Variants in SLC14A2 observed in about 807,000 individuals in gnomAD.
The protein encoded by SLC14A2 is solute carrier family 14 member 2, also known as urea transporter 2.
Under a neutral mutation model 104.6 loss-of-function variants are expected in SLC14A2, and 91 were observed. The observed-to-expected ratio is 0.87, with a 90% CI of 0.73 to 1.04. SLC14A2 has a LOEUF of 1.04. Ranked by LOEUF, SLC14A2 falls within the 50% of genes least tolerant of loss-of-function variation. The probability of loss-of-function intolerance (pLI) is 0.00; values close to 1 mark genes in which losing one functional copy is unlikely to be tolerated. For missense variants in SLC14A2, 1,189 were observed against 1,156.0 expected (o/e 1.03, Z -0.41); for synonymous variants, 476 against 466.4 (o/e 1.02, Z -0.27).
At chr18:45,578,699 A>C (rs1316433252) in intron 2 of SLC14A2, among the ~76,000 whole-genome samples, 1 of 152,232 alleles carries the variant, frequency 6.6e-6, no homozygotes, top group Non-Finnish European at 1.5e-5. Context: ...GCATTGAATT[A>C]GGAACTGAAG....
intron 2 of SLC14A2, among the ~76,000 whole-genome samples, chr18:45,517,287 G>T (rs2043454577): frequency 6.6e-6 from 1 of 152,154 alleles, no homozygotes; most frequent in Non-Finnish European, 1.5e-5. Context: ...ATGAGACGCG[G>T]CCCTGGCTGA....
At chr18:45,628,000 CAAAAAAAAAAAA>C (rs58009345) in intron 4 of SLC14A2, among the ~76,000 whole-genome samples, 5 of 83,598 alleles carry the variant, frequency 6.0e-5, no homozygotes, top group African/African-American at 1.3e-4. Context: ...AAGACTTTCT[CAAAAAAAAAAAA>C]AAAAAAAAGA....
intron 2 of SLC14A2, among the ~76,000 whole-genome samples, chr18:45,492,835 TC>T (rs2043025767): frequency 6.6e-6 from 1 of 152,220 alleles, no homozygotes; most frequent in Non-Finnish European, 1.5e-5. Flanking sequence ...GGTGCTGCTT[TC>T]CTCAATAGAG....
chr18:45,482,713 C>T (rs982580509), intron 1 of SLC14A2: 1 of 152,152 alleles, frequency 6.6e-6, no homozygotes, highest in Non-Finnish European at 1.5e-5. Context: ...GTAACCTAAT[C>T]TTGGAAATGA....
the SLC14A2 span, among the ~76,000 whole-genome samples, chr18:45,205,591 G>C: frequency 2.6e-5 from 4 of 152,302 alleles, no homozygotes; most frequent in South Asian, 8.3e-4. Context: ...AGATCGGGTA[G>C]ATGCAATTCA....
chr18:45,632,424 AGTT>A lies in SLC14A2; in HGVS notation c.597_599del (p.Leu200del), dbSNP rs1453380821. 8 of 1,614,082 alleles carry A rather than the reference AGTT, an allele frequency of 5.0e-6. No individual in the cohort carries two copies. The South Asian group carries it at 8.8e-5, about 18-fold the overall frequency. On this transcript the variant is annotated inframe_deletion, in exon 5 of 20. Transcript: ENST00000255226. ...CTGCTGATGGCCGTGTTCTCGGAGA[AGTT>A]AGACTACTACTGGTGGCTTCTGTTT... is the stretch of plus-strand genomic sequence containing the variant.
intron 1 of SLC14A2, among the ~76,000 whole-genome samples, chr18:45,350,577 T>A (rs369869260): frequency 6.6e-6 from 1 of 152,180 alleles, no homozygotes; most frequent in Non-Finnish European, 1.5e-5. Flanking sequence ...GACTAGTTTA[T>A]GTGACGGGTC....
At position 45,436,103 on chromosome 18, in the gene SLC14A2, G is replaced by A. The variant is rs547591022; in HGVS notation, c.-124-47130G>A. On this transcript the variant is annotated intron_variant, in intron 1 of 20. Transcript: ENST00000586448. ...CTGAACGTAACACACTTCGAGTTTT[G>A]TGTTACATTTGGGGGTACCACCTTT... Among the ~76,000 whole-genome samples the A allele has an allele frequency of 2.5e-3, 381 of 152,226 alleles. 2 individuals carry two copies. The highest frequency in any genetic ancestry group is 8.9e-3 in the African/African-American group (371 of 41,530).
At chr18:45,575,779 T>C (rs2044409628) in intron 2 of SLC14A2, among the ~76,000 whole-genome samples, 1 of 150,772 alleles carries the variant, frequency 6.6e-6, no homozygotes, top group East Asian at 1.9e-4. Flanking sequence ...AAAGCCTAGT[T>C]TGTCTTGTTC....
rs572499166 is a variant in SLC14A2 at position 45,278,591 on chromosome 18, A to T, written c.-125+65400A>T. On this transcript the variant is annotated intron_variant, in intron 1 of 20. Coordinates refer to the SLC14A2 transcript ENST00000586448. Reference sequence around the variant, plus strand: ...AAGGAGCTTATGAAGTGCTGTGCCAATACAGTCATTCCTCAGTATACAAAG... The same window carrying T: ...AAGGAGCTTATGAAGTGCTGTGCCATTACAGTCATTCCTCAGTATACAAAG... Among the ~76,000 whole-genome samples the T allele has an allele frequency of 4.6e-5, 7 of 152,282 alleles. No individual in the cohort carries two copies. The East Asian group carries it at 1.4e-3, about 29-fold the overall frequency.
chr18:45,681,780 T>C (rs1049723847), intron 19 of SLC14A2, among the ~76,000 whole-genome samples: 1 of 152,242 alleles, frequency 6.6e-6, no homozygotes, highest in African/African-American at 2.4e-5. Flanking sequence ...ACAGTCTCTG[T>C]GCCTCTTAGT....
At chr18:45,567,442 TGCTGATTTCAG>T (rs555019640) in intron 2 of SLC14A2, among the ~76,000 whole-genome samples, 150 of 152,366 alleles carry the variant, frequency 9.8e-4, no homozygotes, top group Middle Eastern at 3.4e-3. Context: ...CAGATCTGTC[TGCTGATTTCAG>T]GCTGTTATCC....
At chr18:45,595,665 G>A (rs1264021232) in intron 2 of SLC14A2, among the ~76,000 whole-genome samples, 1 of 152,182 alleles carries the variant, frequency 6.6e-6, no homozygotes, top group East Asian at 1.9e-4. Context: ...AGCAAAGACT[G>A]TAATGCCAGG....
intron 1 of SLC14A2, among the ~76,000 whole-genome samples, chr18:45,360,519 T>C (rs528856747): frequency 3.9e-5 from 6 of 152,326 alleles, no homozygotes; most frequent in African/African-American, 1.4e-4. Context: ...ATAAGCAACA[T>C]CCCATTTTCT....
In SLC14A2 at chr18:45,505,207, T is replaced by C. The variant is rs570222244; in HGVS notation, c.-35+21885T>C. Among the ~76,000 whole-genome samples, 3 of 152,234 alleles carry C rather than the reference T, an allele frequency of 2.0e-5. No individual in the cohort carries two copies. The South Asian group carries it at 6.2e-4, about 32-fold the overall frequency. ...GAGAGGCTGTTTGGATAGTCCAGTG[T>C]GCATCCAGTGTCTTACATGCCTCAC... On this transcript the variant is annotated intron_variant, in intron 2 of 20. Coordinates refer to the SLC14A2 transcript ENST00000586448.
intron 1 of SLC14A2, among the ~76,000 whole-genome samples, chr18:45,442,838 A>G (rs775227983): frequency 2.2e-4 from 34 of 152,214 alleles, no homozygotes; most frequent in Non-Finnish European, 4.3e-4. Flanking sequence ...TCTTTAACTA[A>G]GTCAGGTAGC....
At chr18:45,169,346 G>C in the SLC14A2 span, among the ~76,000 whole-genome samples, 1 of 152,090 alleles carries the variant, frequency 6.6e-6, no homozygotes, top group South Asian at 2.1e-4. Context: ...TCATTCTGAC[G>C]TTGAGACCTG....
chr18:45,339,624 C>A (rs2085373187), intron 1 of SLC14A2, among the ~76,000 whole-genome samples: 1 of 152,008 alleles, frequency 6.6e-6, no homozygotes, highest in Non-Finnish European at 1.5e-5. Flanking sequence ...AAATCGCAAA[C>A]AATATAACTA....
intron 2 of SLC14A2, among the ~76,000 whole-genome samples, chr18:45,532,564 C>G (rs532289033): frequency 4.7e-5 from 7 of 150,284 alleles, no homozygotes; most frequent in Non-Finnish European, 8.8e-5. Context: ...TGAGACTTTG[C>G]TGAAGTTGCT....
Sources: allele counts gnomAD v4.1 joint callset (sites outside exome capture counted in the v4.1 genomes callset), GRCh38; gene constraint gnomAD v4.1.1; transcripts MANE v1.5; gene names NCBI Gene and HGNC (gene_info 2026-07-23, HGNC 2026-07-21).